TESK2: variants seen among roughly 807,000 people sequenced by gnomAD.
The protein encoded by TESK2 is dual specificity testis-specific protein kinase 2.
Under a neutral mutation model 57.1 loss-of-function variants are expected in TESK2, and 39 were observed. The ratio of observed to expected loss-of-function variants is 0.68; its 90% CI spans 0.53 to 0.89. The LOEUF is 0.89. TESK2 is among the 40% of genes least tolerant of loss of function. The pLI, the probability that TESK2 is intolerant of heterozygous loss-of-function variation, is 0.00. For missense variants in TESK2, 646 were observed against 732.1 expected, an observed-to-expected ratio of 0.88 and a Z score of 1.36; for synonymous variants, 249 against 267.9, an observed-to-expected ratio of 0.93 and a Z score of 0.69.
At chr1:45,414,385 C>T (rs1172441212) in intron 3 of TESK2, among the ~76,000 whole-genome samples, 1 of 152,176 alleles carries the variant, frequency 6.6e-6, no homozygotes, top group African/African-American at 2.4e-5. Context: ...TGCAGTGTGA[C>T]AGTTCCTGTG....
chr1:45,487,925 G>A (rs567072749), intron 1 of TESK2, among the ~76,000 whole-genome samples: 2 of 148,662 alleles, frequency 1.3e-5, no homozygotes, highest in Admixed American at 1.3e-4. Context: ...TAGCTCCTGA[G>A]TTTTTTTTTG....
chr1:45,384,253 T>A (rs1303312142), intron 4 of TESK2, among the ~76,000 whole-genome samples: 2 of 152,318 alleles, frequency 1.3e-5, no homozygotes, highest in East Asian at 3.9e-4. Context: ...AACTGCTCCT[T>A]CTCAGTCTGT....
intron 1 of TESK2, among the ~76,000 whole-genome samples, chr1:45,467,265 TTTG>T (rs1358747685): frequency 4.6e-5 from 7 of 152,198 alleles, no homozygotes; most frequent in African/African-American, 1.7e-4. Flanking sequence ...TTAATTAATA[TTTG>T]TTAATTCTGG....
chr1:45,441,076 G>C (rs746176104), intron 2 of TESK2, among the ~76,000 whole-genome samples: 2 of 152,128 alleles, frequency 1.3e-5, no homozygotes, highest in Non-Finnish European at 2.9e-5. Flanking sequence ...AGTCAGACTT[G>C]GACTCTTAAA....
intron 3 of TESK2, among the ~76,000 whole-genome samples, chr1:45,396,980 G>A (rs1204739748): frequency 6.6e-6 from 1 of 151,144 alleles, no homozygotes; most frequent in Non-Finnish European, 1.5e-5. Context: ...CACCATGCCT[G>A]ACTAATTTTG....
At chr1:45,451,920 C>T (rs765509594) in intron 2 of TESK2, among the ~76,000 whole-genome samples, 10 of 151,124 alleles carry the variant, frequency 6.6e-5, no homozygotes, top group Non-Finnish European at 1.5e-4. Context: ...GTAATCCCAG[C>T]TACTCAGAAG....
In TESK2 at chr1:45,459,157, A is replaced by C. The variant is rs543434007; in HGVS notation, c.-86-1286T>G. Among the ~76,000 whole-genome samples, 81 of 152,348 alleles carry C rather than the reference A, an allele frequency of 5.3e-4. No individual in the cohort carries two copies. The South Asian group carries it at 0.012, about 22-fold the overall frequency. On this transcript the variant is annotated intron_variant, in intron 1 of 10. Coordinates refer to ENST00000372086, the MANE Select transcript of TESK2 (RefSeq NM_007170.3). ...CACAGTTTCTTTCCTGGCAATGTGC[A>C]ATTGGAATTAAATAGTCCAGTCTCA...
At chr1:45,399,003 A>AC (rs967940392) in intron 3 of TESK2, 3 of 436,252 alleles carry the variant, frequency 6.9e-6, no homozygotes, top group East Asian at 7.0e-5. Flanking sequence ...AAAAAAAAAA[A>AC]AAAACAAGCC....
intron 5 of TESK2, among the ~76,000 whole-genome samples, chr1:45,354,246 C>T (rs1647314259): frequency 6.6e-6 from 1 of 152,016 alleles, no homozygotes; most frequent in South Asian, 2.1e-4. Context: ...ATCCCAGCAC[C>T]TTAGGAGGCT....
intron 2 of TESK2, among the ~76,000 whole-genome samples, chr1:45,452,681 G>A (rs918023615): frequency 6.6e-6 from 1 of 152,062 alleles, no homozygotes; most frequent in African/African-American, 2.4e-5. Flanking sequence ...TTGGGAGGCA[G>A]GTGCAGGAGG....
chr1:45,420,712 G>T (rs1650437170), intron 3 of TESK2, among the ~76,000 whole-genome samples: 1 of 151,516 alleles, frequency 6.6e-6, no homozygotes, highest in South Asian at 2.1e-4. Flanking sequence ...AGCCTCCCAA[G>T]TGGCTGGGAC....
At chr1:45,431,739 T>A (rs1036045846) in intron 2 of TESK2, among the ~76,000 whole-genome samples, 3 of 152,140 alleles carry the variant, frequency 2.0e-5, no homozygotes, top group Non-Finnish European at 4.4e-5. Flanking sequence ...TTCAGTTTTC[T>A]TCAAGAATAA....
At chr1:45,428,711 C>A (rs1650814546) in intron 2 of TESK2, among the ~76,000 whole-genome samples, 1 of 151,810 alleles carries the variant, frequency 6.6e-6, no homozygotes, top group Admixed American at 6.6e-5. Flanking sequence ...GCCATGTTGT[C>A]CAGGCTGGTC....
At chr1:45,480,681 T>TAAA (rs1232633670) in intron 1 of TESK2, among the ~76,000 whole-genome samples, 7 of 150,840 alleles carry the variant, frequency 4.6e-5, no homozygotes, top group Non-Finnish European at 1.0e-4. Flanking sequence ...ATAATAATAA[T>TAAA]AAATGAATAA....
At chr1:45,486,615 C>T (rs1358607017) in intron 1 of TESK2, among the ~76,000 whole-genome samples, 3 of 150,272 alleles carry the variant, frequency 2.0e-5, no homozygotes, top group Non-Finnish European at 4.4e-5. Flanking sequence ...GCGGAGCTTG[C>T]AGTGAGCCGA....
In TESK2 at chr1:45,355,384, C is replaced by T. The variant is rs753867904; in HGVS notation, c.459G>A (p.Arg153=). 5.6e-6 allele frequency: 9 copies of T among 1,613,862 alleles called. No homozygotes were observed. In the East Asian group the frequency reaches 2.0e-4, roughly 36 times the overall value. Residue 153 remains arginine (R), a synonymous_variant, in exon 5 of 11, where the codon AGG becomes AGA. Coordinates refer to ENST00000372086, the MANE Select transcript of TESK2 (RefSeq NM_007170.3). ...CTGCTATGTCATAGGCCAGTTTTAC[C>T]CTCACAGTCCAAGGCAAATGCAGGT... ...DSNLHLPWTV[R]VKLAYDIAVG... is the part of the protein sequence containing the mutation.
At chr1:45,350,178 C>A (rs1461883865) in intron 5 of TESK2, among the ~76,000 whole-genome samples, 1 of 152,090 alleles carries the variant, frequency 6.6e-6, no homozygotes, top group Non-Finnish European at 1.5e-5. Context: ...CAAACGTATA[C>A]AATAATCATA....
At chr1:45,380,386 A>G (rs1472324800) in intron 4 of TESK2, among the ~76,000 whole-genome samples, 2 of 152,136 alleles carry the variant, frequency 1.3e-5, no homozygotes, top group East Asian at 1.9e-4. Context: ...CAGGTTCCCA[A>G]ACTGCTTGAT....
chr1:45,436,254 G>A (rs538563001), intron 2 of TESK2, among the ~76,000 whole-genome samples: 7 of 124,866 alleles, frequency 5.6e-5, no homozygotes, highest in Middle Eastern at 6.6e-3. Flanking sequence ...GCGTGATCTC[G>A]GTTCACTGCA....
Sources: allele counts gnomAD v4.1 joint callset (sites outside exome capture counted in the v4.1 genomes callset), GRCh38; gene constraint gnomAD v4.1.1; transcripts MANE v1.5; gene names NCBI Gene and HGNC (gene_info 2026-07-23, HGNC 2026-07-21).